Variants in SNTB1 observed in about 807,000 individuals in gnomAD.
SNTB1 encodes the protein syntrophin beta 1, also known as beta-1-syntrophin.
In SNTB1, 36 loss-of-function variants were observed where a neutral mutation model predicts 48.9. The observed-to-expected ratio is 0.74, with a 90% confidence interval of 0.56 to 0.97. The LOEUF (loss-of-function observed/expected upper bound fraction) is 0.97. SNTB1 is among the 50% of genes least tolerant of loss of function. The pLI is 0.00. For synonymous variants in SNTB1, 299 were observed against 294.6 expected, an observed-to-expected ratio of 1.01 and a Z score of -0.15; for missense variants, 786 against 703.4, an observed-to-expected ratio of 1.12 and a Z score of -1.33.
At chr8:120,774,076 T>C (rs1819688571) in intron 1 of SNTB1, among the ~76,000 whole-genome samples, 1 of 152,232 alleles carries the variant, frequency 6.6e-6, no homozygotes, top group African/African-American at 2.4e-5. Context: ...GTTTTGTTTG[T>C]GAAACTCCAA....
At chr8:120,686,841 T>A (rs1345766698) in intron 2 of SNTB1, among the ~76,000 whole-genome samples, 2 of 152,158 alleles carry the variant, frequency 1.3e-5, no homozygotes, top group African/African-American at 4.8e-5. Context: ...TTATATATAT[T>A]TTTTTCTGTT....
At chr8:120,759,288 A>T (rs930414756) in intron 1 of SNTB1, among the ~76,000 whole-genome samples, 1 of 152,194 alleles carries the variant, frequency 6.6e-6, no homozygotes. Context: ...AGGGCAAAGC[A>T]AGTGGGTGAA....
At chr8:120,542,884 G>A (rs1463642064) in intron 5 of SNTB1, among the ~76,000 whole-genome samples, 1 of 152,088 alleles carries the variant, frequency 6.6e-6, no homozygotes, top group East Asian at 1.9e-4. Context: ...TAGAAATTGA[G>A]AGGGGTGCTC....
intron 1 of SNTB1, among the ~76,000 whole-genome samples, chr8:120,732,624 C>T (rs1474225359): frequency 6.6e-6 from 1 of 152,172 alleles, no homozygotes; most frequent in Non-Finnish European, 1.5e-5. Flanking sequence ...GTAGGCAAGT[C>T]ACTTGAGACC....
intron 5 of SNTB1, among the ~76,000 whole-genome samples, chr8:120,547,592 CA>C (rs11289979): frequency 0.49 from 43,850 of 88,798 alleles, 8,227 homozygotes; most frequent in Non-Finnish European, 0.56. Flanking sequence ...AACACTGTCT[CA>C]AAAAAAAAAA....
chr8:120,734,846 G>A (rs189648689), intron 1 of SNTB1, among the ~76,000 whole-genome samples: 5 of 152,324 alleles, frequency 3.3e-5, no homozygotes, highest in South Asian at 4.1e-4. Context: ...AGAGCCCTCC[G>A]GCTTAGAGAT....
chr8:120,686,560 C>T lies in SNTB1; in HGVS notation c.788+7132G>A, dbSNP rs149934508. Among the ~76,000 whole-genome samples the T allele has an allele frequency of 2.9e-3, 436 of 151,390 alleles. 1 individual carries two copies. The highest frequency in any genetic ancestry group is 9.8e-3 in the African/African-American group (405 of 41,180). On this transcript the variant is annotated intron_variant, in intron 2 of 6. Transcript: ENST00000517992. ...AAGGTCTCATCTCTTAACATTATTA[C>T]GTTAAAGATTAGGTTTCAATATGTG...
rs551512789 is a variant in SNTB1 at position 120,684,723 on chromosome 8, C to T, written c.788+8969G>A. Among the ~76,000 whole-genome samples the T allele has an allele frequency of 1.4e-4, 21 of 150,600 alleles. 1 individual carries two copies. Among genetic ancestry groups the T allele is most frequent in the African/African-American group, 5.1e-4 (21 of 40,900 alleles). ...AGGCTGGAGTGCAATGGCATGATCT[C>T]GGCTCACTGCAACCTCTGCCTCCTG... On this transcript the variant is annotated intron_variant, in intron 2 of 6. Coordinates refer to ENST00000517992, the MANE Select transcript of SNTB1 (RefSeq NM_021021.4).
intron 2 of SNTB1, among the ~76,000 whole-genome samples, chr8:120,647,799 CTAAG>C (rs1817327399): frequency 2.8e-5 from 1 of 35,308 alleles, no homozygotes; most frequent in Admixed American, 3.4e-4. Flanking sequence ...GTGTGGGAGT[CTAAG>C]TCTCTTTGTA....
intron 3 of SNTB1, among the ~76,000 whole-genome samples, chr8:120,630,030 T>TTAA (rs1402606233): frequency 4.6e-5 from 7 of 152,214 alleles, no homozygotes; most frequent in Non-Finnish European, 7.3e-5. Context: ...GGTAATGATT[T>TTAA]TAAACATAGC....
chr8:120,632,416 C>T (rs747634174), intron 3 of SNTB1, 28 bp downstream of exon 3: 3 of 1,603,784 alleles, frequency 1.9e-6, no homozygotes, highest in Non-Finnish European at 2.6e-6. Context: ...GGGAGGACGA[C>T]TATTACAGAG....
At position 120,812,024 on chromosome 8, in the gene SNTB1, C is replaced by T; in HGVS notation, c.-181G>A. Reference sequence around the variant, plus strand: ...CACTCGGCGGGAGTTGGCAGCTGCACTCAGGCTGGTTCCCCCTCGCCTGAT... The same window carrying T: ...CACTCGGCGGGAGTTGGCAGCTGCATTCAGGCTGGTTCCCCCTCGCCTGAT... On this transcript the variant is annotated 5_prime_UTR_variant, in exon 1 of 7. In the 5' UTR this introduces an upstream ATG that the reference lacks. Transcript: ENST00000517992. 1 of 1,265,104 alleles carries T rather than the reference C, an allele frequency of 7.9e-7. No individual in the cohort carries two copies. The highest frequency in any genetic ancestry group is 9.9e-7 in the Non-Finnish European group (1 of 1,010,894). The allele number at this position is 1,265,104 out of a possible 1,614,324, so 78.4% of individuals were successfully genotyped here.
intron 1 of SNTB1, among the ~76,000 whole-genome samples, chr8:120,704,918 A>G (rs1818356992): frequency 6.6e-6 from 1 of 152,240 alleles, no homozygotes. Flanking sequence ...GTTGATAAGA[A>G]TACAGATTCT....
intron 1 of SNTB1, among the ~76,000 whole-genome samples, chr8:120,715,407 T>C (rs1019271113): frequency 6.6e-6 from 1 of 152,196 alleles, no homozygotes; most frequent in Non-Finnish European, 1.5e-5. Flanking sequence ...CATCAAAAAG[T>C]GAGGCTGGTT....
At chr8:120,628,495 G>A (rs1057412895) in intron 3 of SNTB1, among the ~76,000 whole-genome samples, 3 of 152,150 alleles carry the variant, frequency 2.0e-5, no homozygotes, top group African/African-American at 7.2e-5. Context: ...GGTGGCTCAC[G>A]CCTGTAATCC....
chr8:120,683,920 A>G (rs1473819735), intron 2 of SNTB1, among the ~76,000 whole-genome samples: 3 of 152,192 alleles, frequency 2.0e-5, no homozygotes, highest in Admixed American at 1.3e-4. Flanking sequence ...ATAATCAAAC[A>G]TGATTATATT....
chr8:120,542,214 G>A (rs546257358), intron 5 of SNTB1: 8 of 493,574 alleles, frequency 1.6e-5, no homozygotes, highest in African/African-American at 1.6e-4. Flanking sequence ...AAAAATAATG[G>A]AAAGAAATTC....
chr8:120,667,399 CAT>C (rs1202513589), intron 2 of SNTB1, among the ~76,000 whole-genome samples: 2 of 152,016 alleles, frequency 1.3e-5, no homozygotes, highest in Non-Finnish European at 2.9e-5. Flanking sequence ...TGGAAATCCA[CAT>C]GTGAGGAAGA....
At chr8:120,723,916 A>G (rs192152271) in intron 1 of SNTB1, among the ~76,000 whole-genome samples, 3 of 152,344 alleles carry the variant, frequency 2.0e-5, no homozygotes, top group African/African-American at 7.2e-5. Flanking sequence ...GGCAGCAGAC[A>G]TTTGAACAGA....
Sources: gnomAD v4.1 joint callset for allele counts (sites outside exome capture counted in the v4.1 genomes callset) on GRCh38, gnomAD v4.1.1 for gene constraint, MANE v1.5 for transcripts, NCBI Gene and HGNC (gene_info 2026-07-23, HGNC 2026-07-21) for gene names.